Variants in NALF1 observed in about 807,000 individuals in gnomAD.
The protein encoded by NALF1 is NALCN channel auxiliary factor 1, also known as family with sequence similarity 155 member A.
In NALF1, 3 loss-of-function variants were observed where a neutral mutation model predicts 48.4. The ratio of observed to expected loss-of-function variants is 0.06; its 90% CI spans 0.03 to 0.16. NALF1 has a LOEUF of 0.16. Among genes scored for constraint, NALF1 ranks in the 10% least tolerant of loss-of-function variants. The probability of loss-of-function intolerance (pLI) is 1.00; values close to 1 mark genes in which losing one functional copy is unlikely to be tolerated. For missense variants in NALF1, 526 were observed against 571.5 expected (o/e 0.92, Z 0.81); for synonymous variants, 262 against 245.7 (o/e 1.07, Z -0.62).
chr13:107,691,165 G>C (rs541276155), intron 1 of NALF1, among the ~76,000 whole-genome samples: 2 of 152,320 alleles, frequency 1.3e-5, no homozygotes, highest in East Asian at 3.9e-4. Flanking sequence ...TGAAGGCAGA[G>C]ATTGAGGTGA....
At chr13:107,457,908 C>A (rs1884850469) in intron 1 of NALF1, among the ~76,000 whole-genome samples, 1 of 152,124 alleles carries the variant, frequency 6.6e-6, no homozygotes, top group Non-Finnish European at 1.5e-5. Flanking sequence ...CTGTTGCTTC[C>A]ACCTTTTGTA....
intron 1 of NALF1, among the ~76,000 whole-genome samples, chr13:107,782,421 C>A (rs1327635797): frequency 1.3e-5 from 2 of 152,152 alleles, no homozygotes; most frequent in African/African-American, 4.8e-5. Flanking sequence ...ACCTCCCAGC[C>A]GCCTGCCTTG....
At chr13:107,482,347 T>C (rs113999555) in intron 1 of NALF1, among the ~76,000 whole-genome samples, 1,796 of 152,174 alleles carry the variant, frequency 0.012, 39 homozygotes, top group African/African-American at 0.042. Context: ...TCTCTGTCCA[T>C]GCACACACAC....
chr13:107,229,495 A>G (rs1210301829), intron 1 of NALF1, among the ~76,000 whole-genome samples: 2 of 152,148 alleles, frequency 1.3e-5, no homozygotes, highest in Non-Finnish European at 2.9e-5. Flanking sequence ...TATAACTGTT[A>G]TTATGCATCA....
At chr13:107,674,046 C>T (rs1881056343) in intron 1 of NALF1, among the ~76,000 whole-genome samples, 1 of 152,116 alleles carries the variant, frequency 6.6e-6, no homozygotes, top group Non-Finnish European at 1.5e-5. Flanking sequence ...ACAAGAGCAA[C>T]ACCAAACCAT....
intron 1 of NALF1, among the ~76,000 whole-genome samples, chr13:107,708,343 T>C (rs1287459696): frequency 6.6e-6 from 1 of 152,200 alleles, no homozygotes; most frequent in African/African-American, 2.4e-5. Context: ...TTACCTCTAC[T>C]GGATCTCCTG....
chr13:107,654,151 GA>G (rs1363520057), intron 1 of NALF1, among the ~76,000 whole-genome samples: 1 of 151,532 alleles, frequency 6.6e-6, no homozygotes, highest in African/African-American at 2.4e-5. Context: ...GATTATCCAA[GA>G]AAAAAAGAGA....
chr13:107,763,211 G>A (rs935935661), intron 1 of NALF1, among the ~76,000 whole-genome samples: 3 of 151,488 alleles, frequency 2.0e-5, no homozygotes, highest in Admixed American at 6.6e-5. Flanking sequence ...CAATATCCCC[G>A]CAAGTAAAGG....
intron 1 of NALF1, among the ~76,000 whole-genome samples, chr13:107,784,474 T>C (rs986702863): frequency 1.3e-5 from 2 of 152,112 alleles, no homozygotes; most frequent in African/African-American, 4.8e-5. Context: ...GTGTCACAGA[T>C]GAAACATTTT....
At chr13:107,402,197 G>A (rs1883821151) in intron 1 of NALF1, among the ~76,000 whole-genome samples, 1 of 152,132 alleles carries the variant, frequency 6.6e-6, no homozygotes, top group African/African-American at 2.4e-5. Context: ...CTCCTTTGCT[G>A]GCTTCGATAA....
chr13:107,694,708 CT>C (rs1352611904), intron 1 of NALF1, among the ~76,000 whole-genome samples: 6 of 152,026 alleles, frequency 3.9e-5, no homozygotes, highest in African/African-American at 1.4e-4. Context: ...AATATTAATA[CT>C]GCATATATCA....
intron 1 of NALF1, among the ~76,000 whole-genome samples, chr13:107,397,653 T>A (rs1366090465): frequency 1.3e-5 from 2 of 151,942 alleles, no homozygotes; most frequent in Non-Finnish European, 2.9e-5. Context: ...TTTTTTTTTA[T>A]CTTCCAAGAG....
intron 1 of NALF1, among the ~76,000 whole-genome samples, chr13:107,722,020 T>C (rs1247379091): frequency 6.6e-6 from 1 of 152,170 alleles, no homozygotes; most frequent in Non-Finnish European, 1.5e-5. Context: ...ATTATTAACT[T>C]AAGACAAAGC....
At chr13:107,175,038 G>C (rs2769911) in intron 2 of NALF1, among the ~76,000 whole-genome samples, 63,667 of 95,966 alleles carry the variant, frequency 0.66, 22,441 homozygotes, top group African/African-American at 0.79. Flanking sequence ...CGCCCGCCAC[G>C]ACGCCCGGCT....
chr13:107,615,166 C>T (rs1879346385), intron 1 of NALF1, among the ~76,000 whole-genome samples: 4 of 152,190 alleles, frequency 2.6e-5, no homozygotes, highest in South Asian at 2.1e-4. Context: ...ACCTATTCAT[C>T]GTCCTCTTTC....
chr13:107,797,961 T>G (rs1878484370), intron 1 of NALF1, among the ~76,000 whole-genome samples: 1 of 152,322 alleles, frequency 6.6e-6, no homozygotes, highest in East Asian at 1.9e-4. Flanking sequence ...TTAAAAAATT[T>G]GAAAGCAATT....
chr13:107,606,756 T>C (rs552917753), intron 1 of NALF1, among the ~76,000 whole-genome samples: 1 of 152,324 alleles, frequency 6.6e-6, no homozygotes, highest in Admixed American at 6.5e-5. Context: ...AAATTGGCTT[T>C]CAAGCTGAAT....
intron 1 of NALF1, among the ~76,000 whole-genome samples, chr13:107,497,945 T>C (rs898758471): frequency 2.0e-5 from 3 of 152,206 alleles, no homozygotes; most frequent in Admixed American, 1.3e-4. Flanking sequence ...TGTTTCCAGA[T>C]GATCAGAATT....
chr13:107,855,013 A>G (rs886236572), intron 1 of NALF1, among the ~76,000 whole-genome samples: 3 of 152,196 alleles, frequency 2.0e-5, no homozygotes, highest in Non-Finnish European at 2.9e-5. Context: ...GATCTTTTCT[A>G]CCTGCTCAGC....
Sources: gnomAD v4.1 joint callset for allele counts (sites outside exome capture counted in the v4.1 genomes callset) on GRCh38, gnomAD v4.1.1 for gene constraint, MANE v1.5 for transcripts, NCBI Gene and HGNC (gene_info 2026-07-23, HGNC 2026-07-21) for gene names.